Variants in HECW1 observed in about 807,000 individuals in gnomAD.
The protein encoded by HECW1 is E3 ubiquitin-protein ligase HECW1.
In HECW1, 61 loss-of-function variants were observed where a neutral mutation model predicts 182.3. That is an observed-to-expected ratio of 0.33 (90% CI 0.27 to 0.41). The LOEUF (loss-of-function observed/expected upper bound fraction) is 0.41. Among genes scored for constraint, HECW1 ranks in the 10% least tolerant of loss-of-function variants. The pLI is 1.00. For synonymous variants in HECW1, 859 were observed against 832.6 expected (o/e 1.03, Z -0.55); for missense variants, 1,739 against 2,108.9 (o/e 0.82, Z 3.44).
intron 6 of HECW1, among the ~76,000 whole-genome samples, chr7:43,390,076 G>A (rs926896267): frequency 6.6e-6 from 1 of 152,060 alleles, no homozygotes; most frequent in Non-Finnish European, 1.5e-5. Context: ...TTTCCAATTC[G>A]CACCATGAAA....
At chr7:43,530,504 TATGGATGG>T (rs71011921) in intron 24 of HECW1, among the ~76,000 whole-genome samples, 16 of 150,516 alleles carry the variant, frequency 1.1e-4, no homozygotes, top group African/African-American at 3.2e-4. Flanking sequence ...CCATATCTTT[TATGGATGG>T]ATGGATGGAT....
intron 3 of HECW1, among the ~76,000 whole-genome samples, chr7:43,271,566 C>T (rs1802412280): frequency 6.6e-6 from 1 of 152,044 alleles, no homozygotes; most frequent in Non-Finnish European, 1.5e-5. Context: ...CATGTTCAAA[C>T]TGAGAGCCAA....
chr7:43,333,310 C>A (rs996806176), intron 5 of HECW1, among the ~76,000 whole-genome samples: 1 of 152,214 alleles, frequency 6.6e-6, no homozygotes, highest in Non-Finnish European at 1.5e-5. Flanking sequence ...GTGGGGAGCT[C>A]AGTGTGCCTC....
rs535391010 is a variant in HECW1, at chr7:43,408,802, A to T, written c.801+1071A>T. Among the ~76,000 whole-genome samples the T allele has an allele frequency of 1.6e-4, 25 of 152,298 alleles. No homozygotes were observed. In the South Asian group the frequency reaches 5.0e-3, roughly 30 times the overall value. ...ACTGAGGGGAGGGGAGGCCTAGGTC[A>T]TGAGAGTGGATGGGGTATAATGTAG... is the stretch of plus-strand genomic sequence containing the variant. On this transcript the variant is annotated intron_variant, in intron 8 of 29. Transcript: ENST00000395891.
rs1167796583 is a variant in HECW1 at position 43,445,182 on chromosome 7, C to T, written c.2010C>T (p.Cys670=). The change falls in exon 11 of 30, where the codon TGC becomes TGT. Residue 670 remains cysteine (C), a synonymous_variant. Coordinates refer to ENST00000395891, the MANE Select transcript of HECW1 (RefSeq NM_015052.5). ...CCAGGCAAGGCGGGGACCACAGTTG[C>T]GAGGGCTGTGACGCGTCCTGCTGCA... The part of the protein sequence containing the change: ...SSPRQGGDHS[C]EGCDASCCSP... 2 of 1,611,938 alleles carry T rather than the reference C, an allele frequency of 1.2e-6. No individual in the cohort carries two copies. Among genetic ancestry groups the T allele is most frequent in the Non-Finnish European group, 1.7e-6 (2 of 1,179,034 alleles).
intron 2 of HECW1, among the ~76,000 whole-genome samples, chr7:43,190,403 C>T (rs771729503): frequency 1.3e-5 from 2 of 152,132 alleles, no homozygotes; most frequent in Non-Finnish European, 2.9e-5. Context: ...TGAGCCCCTG[C>T]GCCTGGCCAG....
chr7:43,263,375 G>A (rs1801395330), intron 3 of HECW1, among the ~76,000 whole-genome samples: 1 of 152,026 alleles, frequency 6.6e-6, no homozygotes, highest in Admixed American at 6.6e-5. Context: ...TGTTGTTGTT[G>A]TTTGAGATGG....
chr7:43,403,876 T>C (rs1327014919), intron 7 of HECW1, among the ~76,000 whole-genome samples: 1 of 152,202 alleles, frequency 6.6e-6, no homozygotes, highest in Non-Finnish European at 1.5e-5. Context: ...TAAAATTCTA[T>C]TTTTTCATTC....
intron 3 of HECW1, among the ~76,000 whole-genome samples, chr7:43,286,202 A>T (rs1317571243): frequency 6.6e-6 from 1 of 152,206 alleles, no homozygotes; most frequent in Admixed American, 6.5e-5. Context: ...CAGAGAGATG[A>T]TGAGAAATCA....
At chr7:43,223,489 C>A (rs1460552318) in intron 2 of HECW1, among the ~76,000 whole-genome samples, 2 of 152,072 alleles carry the variant, frequency 1.3e-5, no homozygotes, top group Non-Finnish European at 2.9e-5. Context: ...CGTGGTGATG[C>A]ACACCTGTAA....
At chr7:43,516,035 C>T (rs2080131215) in intron 24 of HECW1, among the ~76,000 whole-genome samples, 1 of 152,224 alleles carries the variant, frequency 6.6e-6, no homozygotes, top group African/African-American at 2.4e-5. Flanking sequence ...AAGGGTCTTT[C>T]CTGAGCACTC....
At chr7:43,207,095 G>A (rs1346628411) in intron 2 of HECW1, among the ~76,000 whole-genome samples, 1 of 152,052 alleles carries the variant, frequency 6.6e-6, no homozygotes, top group Non-Finnish European at 1.5e-5. Context: ...CGCCCAGGCT[G>A]GAGTCCAGTG....
intron 3 of HECW1, among the ~76,000 whole-genome samples, chr7:43,287,765 G>A (rs574819375): frequency 1.3e-5 from 2 of 152,354 alleles, no homozygotes; most frequent in South Asian, 2.1e-4. Flanking sequence ...AGCAGTGGGA[G>A]ACTGAGAAGT....
At chr7:43,203,365 C>A (rs1337225357) in intron 2 of HECW1, among the ~76,000 whole-genome samples, 14 of 151,970 alleles carry the variant, frequency 9.2e-5, no homozygotes, top group Admixed American at 9.2e-4. Context: ...TATATTATTT[C>A]TTTTCCTTCT....
intron 2 of HECW1, among the ~76,000 whole-genome samples, chr7:43,169,721 C>T (rs534041600): frequency 6.6e-5 from 9 of 135,712 alleles, no homozygotes; most frequent in African/African-American, 2.0e-4. Flanking sequence ...GACGGAGTCT[C>T]GCTGTCGCCC....
intron 2 of HECW1, among the ~76,000 whole-genome samples, chr7:43,180,867 G>T (rs528407459): frequency 1.2e-4 from 18 of 152,182 alleles, no homozygotes; most frequent in African/African-American, 4.3e-4. Context: ...ATCCTCTCTT[G>T]TAACTATTTT....
intron 6 of HECW1, among the ~76,000 whole-genome samples, chr7:43,361,967 C>T (rs142009556): frequency 6.0e-5 from 9 of 150,696 alleles, no homozygotes; most frequent in Admixed American, 4.6e-4. Flanking sequence ...CATGGTGAAA[C>T]GCTGTCTCTA....
chr7:43,547,983 C>T (rs2081631582), intron 26 of HECW1, among the ~76,000 whole-genome samples: 1 of 152,238 alleles, frequency 6.6e-6, no homozygotes, highest in African/African-American at 2.4e-5. Flanking sequence ...TCGCAAAAAA[C>T]AGCAGGAGGT....
chr7:43,389,922 C>G (rs964852068), intron 6 of HECW1, among the ~76,000 whole-genome samples: 1 of 152,090 alleles, frequency 6.6e-6, no homozygotes, highest in African/African-American at 2.4e-5. Flanking sequence ...TGTGAGCCAC[C>G]CACCTGGCCC....
Sources: allele counts gnomAD v4.1 joint callset (sites outside exome capture counted in the v4.1 genomes callset), GRCh38; gene constraint gnomAD v4.1.1; transcripts MANE v1.5; gene names NCBI Gene and HGNC (gene_info 2026-07-23, HGNC 2026-07-21).